JMY: variants seen among roughly 807,000 people sequenced by gnomAD.
JMY encodes the protein junction mediating and regulatory protein, p53 cofactor.
In JMY, 46 loss-of-function variants were observed where a neutral mutation model predicts 103.3. The ratio of observed to expected loss-of-function variants is 0.45; its 90% CI spans 0.35 to 0.57. The LOEUF is 0.57. JMY is among the 20% of genes least tolerant of loss of function. JMY has a pLI of 0.00. For synonymous variants in JMY, 526 were observed against 489.3 expected, an observed-to-expected ratio of 1.07 and a Z score of -0.99; for missense variants, 1,238 against 1,255.2, an observed-to-expected ratio of 0.99 and a Z score of 0.21.
chr5:79,273,261 CTG>C (rs1745838604), intron 1 of JMY, among the ~76,000 whole-genome samples: 1 of 152,034 alleles, frequency 6.6e-6, no homozygotes, highest in Non-Finnish European at 1.5e-5. Context: ...TTTAATTTAA[CTG>C]TTTATTTTTT....
chr5:79,313,913 C>A (rs922436974), intron 8 of JMY, among the ~76,000 whole-genome samples: 1 of 152,216 alleles, frequency 6.6e-6, no homozygotes, highest in East Asian at 1.9e-4. Flanking sequence ...GGCTGGAGTG[C>A]GGTGGCACAA....
rs538145945 is a variant in JMY at position 79,322,475 on chromosome 5, A to C, written c.*873A>C. 1 of 152,216 alleles carries C rather than the reference A, an allele frequency of 6.6e-6. No homozygotes were observed. The allele number at this position is 152,216 out of a possible 1,614,324, so 9.4% of individuals were successfully genotyped here. ...ATTGAGAATCAAAAATCAAGATTCA[A>C]TCATAGGGATGCAGATCTTAACTCT... On this transcript the variant is annotated 3_prime_UTR_variant, in exon 11 of 11. Coordinates refer to ENST00000396137, the MANE Select transcript of JMY (RefSeq NM_152405.5).
rs1260248883 is a variant in JMY at position 79,237,523 on chromosome 5, C to G, written c.873C>G (p.Val291=). ...EIDTLCYQLQ[V]YLGHGLDTCG... ...ACACTCTGTGTTACCAGCTCCAGGTCTACCTGGGCCACGGCCTGGACACCT... is the reference window on the plus strand; with the variant it reads ...ACACTCTGTGTTACCAGCTCCAGGTGTACCTGGGCCACGGCCTGGACACCT... The change falls in exon 1 of 11, where the codon GTC becomes GTG. Residue 291 remains valine, a synonymous_variant. Transcript: ENST00000396137. 6.2e-7 allele frequency: 1 copy of G among 1,613,828 alleles called. No homozygotes were observed. Among genetic ancestry groups the G allele is most frequent in the Non-Finnish European group, 8.5e-7 (1 of 1,180,030 alleles).
At chr5:79,241,336 AAATT>A (rs1229882778) in intron 1 of JMY, among the ~76,000 whole-genome samples, 1 of 152,232 alleles carries the variant, frequency 6.6e-6, no homozygotes, top group Non-Finnish European at 1.5e-5. Context: ...GAAGTTTTTA[AAATT>A]AATTTATTCT....
chr5:79,253,558 C>T (rs1745153645), intron 1 of JMY, among the ~76,000 whole-genome samples: 1 of 152,150 alleles, frequency 6.6e-6, no homozygotes, highest in African/African-American at 2.4e-5. Context: ...TCCCAAAGTG[C>T]TGGGATTATA....
rs760694376 is a variant in JMY at position 79,314,808 on chromosome 5, G to A, written c.2616G>A (p.Arg872=). 1.3e-6 allele frequency: 2 copies of A among 1,599,150 alleles called. No individual in the cohort carries two copies. Among genetic ancestry groups the A allele is most frequent in the South Asian group, 2.3e-5 (2 of 88,192 alleles). Residue 872 remains arginine, a synonymous_variant, in exon 9 of 11, where the codon CGG becomes CGA. Transcript: ENST00000396137. ...ACAGCAGCCAGCTGGTCAGTGCACG[G>A]AAGAAGCTCAGAAAGACTGCTGAAG... The part of the protein sequence containing the change: ...LFDSSQLVSA[R]KKLRKTAEGL...
chr5:79,310,352 C>T (rs1188252397), intron 7 of JMY, among the ~76,000 whole-genome samples: 1 of 152,116 alleles, frequency 6.6e-6, no homozygotes, highest in Non-Finnish European at 1.5e-5. Flanking sequence ...TGAGCCACCA[C>T]TCCTGGCCAA....
At chr5:79,262,348 T>G (rs1297164540) in intron 1 of JMY, among the ~76,000 whole-genome samples, 1 of 152,218 alleles carries the variant, frequency 6.6e-6, no homozygotes, top group East Asian at 1.9e-4. Flanking sequence ...ACCTTACACA[T>G]TTTGCAGTTT....
chr5:79,300,245 A>G lies in JMY; in HGVS notation c.1620A>G (p.Val540=). 1 of 1,604,578 alleles carries G rather than the reference A, an allele frequency of 6.2e-7. No individual in the cohort carries two copies. Among genetic ancestry groups the G allele is most frequent in the Non-Finnish European group, 8.5e-7 (1 of 1,176,562 alleles). The change falls in exon 5 of 11, where the codon GTA becomes GTG. Residue 540 remains valine (V), a synonymous_variant. Transcript: ENST00000396137. ...YYDLQLQLYE[V]QFEILKCEEL... The stretch of plus-strand genomic sequence containing the variant: ...ATCTGCAACTTCAGTTGTATGAAGT[A>G]CAGTTTGAAATCTTGAAGTGTGAAG...
rs556391237 is a variant in JMY, at chr5:79,293,821, T to G, written c.1527+2522T>G. ...CTTTGTGAGTTTAACTAGTTGTAGC[T>G]ACTTTATTCTACTCTTTCAATAGTA... On this transcript the variant is annotated intron_variant, in intron 4 of 10. Transcript: ENST00000396137. 7.3e-4 allele frequency among the ~76,000 whole-genome samples: 111 copies of G among 152,314 alleles called. 1 individual carries two copies. Among genetic ancestry groups the G allele is most frequent in the African/African-American group, 2.6e-3 (108 of 41,580 alleles).
chr5:79,284,420 A>T, intron 2 of JMY: 1 of 1,470,404 alleles, frequency 6.8e-7, no homozygotes, highest in Non-Finnish European at 9.4e-7. Flanking sequence ...GATTTCCATC[A>T]TCTTCTTCCG....
At chr5:79,253,670 T>C (rs565152375) in intron 1 of JMY, among the ~76,000 whole-genome samples, 1 of 152,318 alleles carries the variant, frequency 6.6e-6, no homozygotes, top group East Asian at 1.9e-4. Flanking sequence ...TTCTGTTTAC[T>C]TACTATTATC....
chr5:79,246,435 C>G (rs962927139), intron 1 of JMY, among the ~76,000 whole-genome samples: 1 of 152,138 alleles, frequency 6.6e-6, no homozygotes, highest in Non-Finnish European at 1.5e-5. Context: ...TCAGTTCACA[C>G]GTAGATTAGA....
intron 1 of JMY, 77 bp from the exon 2 acceptor site, chr5:79,277,833 A>G (rs1288199140): frequency 7.4e-7 from 1 of 1,347,482 alleles, no homozygotes; most frequent in Non-Finnish European, 1.0e-6. Flanking sequence ...TCCTGGCATG[A>G]TAGGGAGAGT....
intron 8 of JMY, among the ~76,000 whole-genome samples, chr5:79,312,706 C>T (rs1328164099): frequency 6.6e-6 from 1 of 152,006 alleles, no homozygotes; most frequent in African/African-American, 2.4e-5. Flanking sequence ...TTCTTGTGAC[C>T]TTTGACCCAC....
chr5:79,262,068 T>C (rs567798127), intron 1 of JMY, among the ~76,000 whole-genome samples: 1 of 152,384 alleles, frequency 6.6e-6, no homozygotes, highest in East Asian at 1.9e-4. Context: ...TGCTGAATCC[T>C]GCTGTGGCCG....
At chr5:79,272,795 G>C (rs1745823517) in intron 1 of JMY, among the ~76,000 whole-genome samples, 1 of 152,206 alleles carries the variant, frequency 6.6e-6, no homozygotes, top group South Asian at 2.1e-4. Flanking sequence ...TGCCATGCTT[G>C]GCTAATTTTT....
chr5:79,316,115 C>T lies in JMY; in HGVS notation c.2775C>T (p.Ile925=), dbSNP rs1410505585. The change falls in exon 10 of 11, where the codon ATC becomes ATT. Residue 925 remains isoleucine, a synonymous_variant. Coordinates refer to ENST00000396137, the MANE Select transcript of JMY (RefSeq NM_152405.5). ...CTGATGAAGATGATAGTAATAATAT[C>T]TTGGCACAAATAAGGAAAGGGGTAA... ...PFPDEDDSNN[I]LAQIRKGVKL... is the part of the protein sequence containing the mutation. The T allele has an allele frequency of 6.2e-7, 1 of 1,614,086 alleles. No individual in the cohort carries two copies. The highest frequency in any genetic ancestry group is 8.5e-7 in the Non-Finnish European group (1 of 1,179,958).
chr5:79,289,643 C>T (rs1480786354), intron 2 of JMY, among the ~76,000 whole-genome samples: 1 of 152,096 alleles, frequency 6.6e-6, no homozygotes, highest in African/African-American at 2.4e-5. Flanking sequence ...CGTGCCTGGC[C>T]TTCCTCTGTT....
Sources: gnomAD v4.1 joint callset for allele counts (sites outside exome capture counted in the v4.1 genomes callset) on GRCh38, gnomAD v4.1.1 for gene constraint, MANE v1.5 for transcripts, NCBI Gene and HGNC (gene_info 2026-07-23, HGNC 2026-07-21) for gene names.